The following SPIRE1 variants were observed in gnomAD, a reference collection of about 807,000 sequenced individuals.
The protein encoded by SPIRE1 is protein spire homolog 1.
SPIRE1 carries 40 observed loss-of-function variants against 94.1 expected under a neutral mutation model. The observed-to-expected ratio is 0.43, with a 90% CI of 0.33 to 0.55. The LOEUF is 0.55. Ranked by LOEUF, SPIRE1 falls within the 20% of genes least tolerant of loss-of-function variation. The probability of loss-of-function intolerance (pLI) is 0.06; values close to 1 mark genes in which losing one functional copy is unlikely to be tolerated. For synonymous variants in SPIRE1, 376 were observed against 371.7 expected, an observed-to-expected ratio of 1.01 and a Z score of -0.13; for missense variants, 838 against 975.2, an observed-to-expected ratio of 0.86 and a Z score of 1.87.
At chr18:12,565,317 G>C (rs1419116878) in intron 2 of SPIRE1, among the ~76,000 whole-genome samples, 5 of 152,154 alleles carry the variant, frequency 3.3e-5, no homozygotes, top group African/African-American at 1.2e-4. Context: ...TCAACCTAGA[G>C]TTTTGTATTC....
At chr18:12,542,555 T>C (rs769382504) in intron 3 of SPIRE1, among the ~76,000 whole-genome samples, 1 of 152,202 alleles carries the variant, frequency 6.6e-6, no homozygotes, top group Non-Finnish European at 1.5e-5. Flanking sequence ...TACCAGTAAT[T>C]TTCTTAGCTC....
intron 2 of SPIRE1, among the ~76,000 whole-genome samples, chr18:12,576,244 A>C (rs907177207): frequency 2.0e-5 from 3 of 151,948 alleles, no homozygotes; most frequent in African/African-American, 7.3e-5. Flanking sequence ...ATTATCTAGA[A>C]TAGCCAGAAC....
At chr18:12,487,407 T>TC (rs2033077049) in intron 8 of SPIRE1, among the ~76,000 whole-genome samples, 1 of 149,820 alleles carries the variant, frequency 6.7e-6, no homozygotes, top group Non-Finnish European at 1.5e-5. Context: ...TCTTTCTTTT[T>TC]TTTTTTTTTT....
intron 12 of SPIRE1, 145 bp downstream of exon 12, chr18:12,463,206 G>C: frequency 3.6e-6 from 3 of 831,262 alleles, no homozygotes; most frequent in Non-Finnish European, 5.3e-6. Flanking sequence ...CTGGCTGTTT[G>C]TTTTCTTTAG....
intron 10 of SPIRE1, among the ~76,000 whole-genome samples, chr18:12,473,644 T>C (rs1568192449): frequency 6.6e-6 from 1 of 152,236 alleles, no homozygotes; most frequent in Admixed American, 6.5e-5. Context: ...GAGTTTTTTC[T>C]TTTTATATAA....
intron 2 of SPIRE1, among the ~76,000 whole-genome samples, chr18:12,602,315 A>G (rs1350823210): frequency 1.3e-5 from 2 of 152,148 alleles, no homozygotes; most frequent in Admixed American, 1.3e-4. Flanking sequence ...GCATACTCAA[A>G]AGGTTTCACT....
chr18:12,559,357 C>T lies in SPIRE1; in HGVS notation c.373-12453G>A, dbSNP rs185415488. On this transcript the variant is annotated intron_variant, in intron 2 of 16. Transcript: ENST00000409402. The surrounding 1 kb of genome is among the most constrained non-coding windows in gnomAD (Gnocchi z 4.7). The stretch of plus-strand genomic sequence containing the variant: ...GTGCTAAGCCTCTCATTGCCCGGGC[C>T]GGCGTCGCCAGCCGGCAGCTCTGAG... 1.4e-4 allele frequency among the ~76,000 whole-genome samples: 21 copies of T among 152,300 alleles called. No individual in the cohort carries two copies. The East Asian group carries it at 2.9e-3, about 21-fold the overall frequency.
upstream of SPIRE1, chr18:12,658,749 C>T: frequency 2.6e-6 from 1 of 385,268 alleles, no homozygotes; most frequent in Non-Finnish European, 5.4e-6. Context: ...GGTTGAATAC[C>T]TCCCTCTCCA....
At chr18:12,567,696 C>A (rs1188714764) in intron 2 of SPIRE1, among the ~76,000 whole-genome samples, 2 of 152,086 alleles carry the variant, frequency 1.3e-5, no homozygotes, top group African/African-American at 4.8e-5. Flanking sequence ...GGTAGCATAC[C>A]AGGATCCTTC....
At chr18:12,598,071 G>C (rs938916477) in intron 2 of SPIRE1, among the ~76,000 whole-genome samples, 1 of 152,066 alleles carries the variant, frequency 6.6e-6, no homozygotes, top group Non-Finnish European at 1.5e-5. Flanking sequence ...CATAATCTTT[G>C]ACATTTCAAA....
At chr18:12,500,344 C>T (rs1196280002) in intron 6 of SPIRE1, among the ~76,000 whole-genome samples, 1 of 152,134 alleles carries the variant, frequency 6.6e-6, no homozygotes, top group Non-Finnish European at 1.5e-5. Context: ...AAATGGTTCA[C>T]AAGCACATGA....
chr18:12,576,581 C>CAAAAA (rs762895518), intron 2 of SPIRE1, among the ~76,000 whole-genome samples: 2 of 31,028 alleles, frequency 6.4e-5, no homozygotes. Flanking sequence ...GACTCCATCT[C>CAAAAA]AAAAAAAAAA....
chr18:12,524,962 C>T (rs1250383023), intron 4 of SPIRE1, among the ~76,000 whole-genome samples: 6 of 147,788 alleles, frequency 4.1e-5, no homozygotes, highest in South Asian at 2.2e-4. Context: ...AGAGTGAGAC[C>T]GTGTCTCTCT....
chr18:12,482,119 C>A (rs1420746644), intron 9 of SPIRE1, among the ~76,000 whole-genome samples: 1 of 152,148 alleles, frequency 6.6e-6, no homozygotes, highest in African/African-American at 2.4e-5. Flanking sequence ...TACCACTGCA[C>A]AGAGGAACAC....
intron 2 of SPIRE1, among the ~76,000 whole-genome samples, chr18:12,571,107 C>T (rs1469474544): frequency 6.6e-6 from 1 of 152,132 alleles, no homozygotes; most frequent in South Asian, 2.1e-4. Context: ...TGGAGCCTTA[C>T]TCTGTCACCC....
chr18:12,661,963 T>C (rs915029215), upstream of SPIRE1: 20 of 256,494 alleles, frequency 7.8e-5, no homozygotes, highest in Non-Finnish European at 1.4e-4. Context: ...TATGATTTTG[T>C]TTTGTTGATT....
At chr18:12,542,270 C>G (rs1291528535) in intron 3 of SPIRE1, among the ~76,000 whole-genome samples, 1 of 152,092 alleles carries the variant, frequency 6.6e-6, no homozygotes, top group Non-Finnish European at 1.5e-5. Context: ...CCACCGCACG[C>G]AGCCAACAAG....
intron 2 of SPIRE1, among the ~76,000 whole-genome samples, chr18:12,584,031 T>TA (rs1204633661): frequency 6.6e-6 from 1 of 152,128 alleles, no homozygotes; most frequent in African/African-American, 2.4e-5. Flanking sequence ...GATAATAACA[T>TA]ACTGTTCATT....
At chr18:12,579,054 T>G (rs571288464) in intron 2 of SPIRE1, among the ~76,000 whole-genome samples, 1 of 152,156 alleles carries the variant, frequency 6.6e-6, no homozygotes, top group African/African-American at 2.4e-5. Flanking sequence ...TTTGAATTTT[T>G]TTTTAAAAAA....
Sources: gnomAD v4.1 joint callset for allele counts (sites outside exome capture counted in the v4.1 genomes callset) on GRCh38, gnomAD v4.1.1 for gene constraint, Gnocchi (gnomAD v3.1) non-coding constraint, MANE v1.5 for transcripts, NCBI Gene and HGNC (gene_info 2026-07-23, HGNC 2026-07-21) for gene names.